The following ARID5B variants were observed in gnomAD, a reference collection of about 807,000 sequenced individuals.
ARID5B encodes AT-rich interaction domain 5B.
ARID5B carries 13 observed loss-of-function variants against 97.2 expected under a neutral mutation model. The observed-to-expected ratio is 0.13, with a 90% CI of 0.09 to 0.21. The LOEUF is 0.21. Ranked by LOEUF, ARID5B falls within the 10% of genes least tolerant of loss-of-function variation. ARID5B has a pLI of 1.00. For missense variants in ARID5B, 1,210 were observed against 1,465.3 expected, an observed-to-expected ratio of 0.83 and a Z score of 2.84; for synonymous variants, 556 against 570.3, an observed-to-expected ratio of 0.97 and a Z score of 0.36.
At chr10:61,938,285 T>G (rs1399740986) in intron 2 of ARID5B, among the ~76,000 whole-genome samples, 1 of 152,236 alleles carries the variant, frequency 6.6e-6, no homozygotes, top group Non-Finnish European at 1.5e-5. Flanking sequence ...GTAATTGAAA[T>G]GATAATCATT....
At chr10:61,983,144 G>C (rs558212903) in intron 3 of ARID5B, among the ~76,000 whole-genome samples, 1 of 152,312 alleles carries the variant, frequency 6.6e-6, no homozygotes, top group Non-Finnish European at 1.5e-5. Flanking sequence ...CTGGAGCAAG[G>C]AAAGGGTGTG....
At chr10:61,982,906 T>C (rs1292976166) in intron 3 of ARID5B, among the ~76,000 whole-genome samples, 1 of 152,236 alleles carries the variant, frequency 6.6e-6, no homozygotes, top group African/African-American at 2.4e-5. Context: ...TATGTTGCTT[T>C]TTAATTTAGA....
At chr10:62,049,494 C>CT in intron 4 of ARID5B, 1 of 1,550,450 alleles carries the variant, frequency 6.4e-7, no homozygotes, top group Non-Finnish European at 8.7e-7. Flanking sequence ...GTAATCGCTA[C>CT]TTTCTCTTTG....
chr10:62,004,296 G>A (rs993794736), intron 4 of ARID5B, among the ~76,000 whole-genome samples: 5 of 152,188 alleles, frequency 3.3e-5, no homozygotes, highest in Admixed American at 1.3e-4. Flanking sequence ...AAAAGCTTCA[G>A]TCTCGACATT....
At chr10:61,931,655 T>C (rs1383964149) in intron 2 of ARID5B, among the ~76,000 whole-genome samples, 1 of 152,052 alleles carries the variant, frequency 6.6e-6, no homozygotes, top group African/African-American at 2.4e-5. Context: ...AGAAAACAAA[T>C]AACCAAATGG....
Position 62,069,946 on chromosome 10 carries a change from T to C in ARID5B, c.1199+149T>C, listed in dbSNP as rs1411886937. On this transcript the variant is annotated intron_variant, in intron 8 of 9. Coordinates refer to ENST00000279873, the MANE Select transcript of ARID5B (RefSeq NM_032199.3). ...TTTTACTTTGCATACCGCCTTGTGA[T>C]TTTTAGGGAACATGGCTTTCTCTTG... 24 of 699,610 alleles carry C rather than the reference T, an allele frequency of 3.4e-5. No individual in the cohort carries two copies. In the East Asian group the frequency reaches 6.3e-4, roughly 18 times the overall value. 43.3% of individuals were successfully genotyped at this position (699,610 alleles called of 1,614,324 possible).
At chr10:61,940,528 C>T (rs1038253055) in intron 3 of ARID5B, 120 bp downstream of exon 3, 14 of 870,100 alleles carry the variant, frequency 1.6e-5, no homozygotes, top group Middle Eastern at 6.3e-4. Flanking sequence ...TCTTTAACCT[C>T]AAAGGGTCCT....
At chr10:62,065,774 A>T (rs1299389703) in intron 7 of ARID5B, among the ~76,000 whole-genome samples, 1 of 146,746 alleles carries the variant, frequency 6.8e-6, no homozygotes, top group Non-Finnish European at 1.5e-5. Context: ...TGAACCTGGA[A>T]GGCGGAGCTT....
Position 61,940,312 on chromosome 10 carries a change from A to C in ARID5B, c.406A>C (p.Arg136=), listed in dbSNP as rs1162535122. 6.2e-7 allele frequency: 1 copy of C among 1,614,152 alleles called. No individual in the cohort carries two copies. Among genetic ancestry groups the C allele is most frequent in the East Asian group, 2.2e-5 (1 of 44,882 alleles). Residue 136 remains arginine (R), a synonymous_variant, in exon 3 of 10, where the codon AGG becomes CGG. Coordinates refer to ENST00000279873, the MANE Select transcript of ARID5B (RefSeq NM_032199.3). ...ACCAGTGAAAACTGAGGCCTTGGGA[A>C]GGAATGGACAGAAGGAAGCTCTGCT... ...AGPVKTEALG[R]NGQKEALLKY...
intron 3 of ARID5B, among the ~76,000 whole-genome samples, chr10:61,981,013 T>C (rs1838769783): frequency 6.6e-6 from 1 of 152,226 alleles, no homozygotes; most frequent in African/African-American, 2.4e-5. Context: ...TCAGAACTTA[T>C]AAGCAGTGGC....
chr10:62,091,977 T>C lies in ARID5B; in HGVS notation c.2514T>C (p.His838=). Residue 838 remains histidine, a synonymous_variant, in exon 10 of 10, where the codon CAT becomes CAC. Coordinates refer to ENST00000279873, the MANE Select transcript of ARID5B (RefSeq NM_032199.3). The part of the protein sequence containing the change: ...LADFYSSPHL[H]SLYRHTEHHL... ...ACTTCTACTCGTCCCCTCATCTCCA[T>C]AGCCTCTACAGACACACCGAGCACC... 6.2e-7 allele frequency: 1 copy of C among 1,613,782 alleles called. No individual in the cohort carries two copies. The highest frequency in any genetic ancestry group is 1.3e-5 in the African/African-American group (1 of 75,000).
At chr10:62,022,845 T>C (rs940756858) in intron 4 of ARID5B, among the ~76,000 whole-genome samples, 1 of 152,210 alleles carries the variant, frequency 6.6e-6, no homozygotes, top group African/African-American at 2.4e-5. Flanking sequence ...ATCTCCTCAT[T>C]GTGAACGATT....
chr10:62,083,783 C>T (rs1840246781), intron 8 of ARID5B, among the ~76,000 whole-genome samples: 1 of 152,108 alleles, frequency 6.6e-6, no homozygotes, highest in African/African-American at 2.4e-5. Flanking sequence ...TGCTCCCAGA[C>T]AAAAATCCAC....
chr10:62,091,781 T>C lies in ARID5B; in HGVS notation c.2318T>C (p.Phe773Ser). The C allele has an allele frequency of 2.5e-6, 4 of 1,614,034 alleles. No homozygotes were observed. Among genetic ancestry groups the C allele is most frequent in the Non-Finnish European group, 3.4e-6 (4 of 1,180,010 alleles). The change falls in exon 10 of 10, where the codon TTT (phenylalanine) becomes TCT (serine). Residue 773 changes from phenylalanine to serine, a missense_variant. Physicochemically the swap from Phe to Ser is radical, Grantham distance 155. Transcript: ENST00000279873. The stretch of plus-strand genomic sequence containing the variant: ...GAGAGAAAGACCATCAATGACATCT[T>C]TAAGCATGAGAAACTGAGTCGATCA... ...SEERKTINDIFKHEKLSRSDP... is the reference protein window; with the variant it reads ...SEERKTINDISKHEKLSRSDP...
intron 7 of ARID5B, among the ~76,000 whole-genome samples, chr10:62,061,866 C>T (rs1839925615): frequency 3.3e-5 from 5 of 152,206 alleles, no homozygotes; most frequent in Admixed American, 3.3e-4. Context: ...TTCACTGGGG[C>T]TGGGGAATAT....
At chr10:62,008,586 C>A (rs1839176676) in intron 4 of ARID5B, among the ~76,000 whole-genome samples, 1 of 152,194 alleles carries the variant, frequency 6.6e-6, no homozygotes, top group Non-Finnish European at 1.5e-5. Flanking sequence ...AATCAAGAAA[C>A]CCTGGTGCCA....
At chr10:61,906,877 C>T (rs944128910) in intron 2 of ARID5B, among the ~76,000 whole-genome samples, 29 of 152,186 alleles carry the variant, frequency 1.9e-4, no homozygotes, top group Admixed American at 5.9e-4. Context: ...AGTGGAAATA[C>T]GGTCCTTATT....
At chr10:62,079,455 C>T (rs560633318) in intron 8 of ARID5B, among the ~76,000 whole-genome samples, 4 of 152,222 alleles carry the variant, frequency 2.6e-5, no homozygotes, top group African/African-American at 4.8e-5. Flanking sequence ...GAATGTAATG[C>T]GTGGTGGTGG....
intron 3 of ARID5B, among the ~76,000 whole-genome samples, chr10:61,969,497 C>A (rs574044439): frequency 6.6e-6 from 1 of 151,840 alleles, no homozygotes; most frequent in East Asian, 1.9e-4. Flanking sequence ...GGTCTTTGCT[C>A]GACAGCTGGA....
Sources: allele counts gnomAD v4.1 joint callset (sites outside exome capture counted in the v4.1 genomes callset), GRCh38; gene constraint gnomAD v4.1.1; transcripts MANE v1.5; gene names NCBI Gene and HGNC (gene_info 2026-07-23, HGNC 2026-07-21).